ZNF138: variants seen among roughly 807,000 people sequenced by gnomAD.
ZNF138 encodes the protein zinc finger protein 138 (clone pHZ-32).
ZNF138 carries 33 observed loss-of-function variants against 33.0 expected under a neutral mutation model. The ratio of observed to expected loss-of-function variants is 1.00; its 90% CI spans 0.76 to 1.34. ZNF138 has a LOEUF of 1.34. ZNF138 is among the 40% of genes most tolerant of loss of function. ZNF138 has a pLI of 0.00. For synonymous variants in ZNF138, 139 were observed against 120.4 expected (o/e 1.15, Z -1.01); for missense variants, 360 against 370.8 (o/e 0.97, Z 0.24).
intron 1 of ZNF138, among the ~76,000 whole-genome samples, chr7:64,807,082 A>C (rs1366828218): frequency 6.6e-6 from 1 of 152,266 alleles, no homozygotes; most frequent in Non-Finnish European, 1.5e-5. Context: ...CTGTGACTTA[A>C]GGACATGCTC....
chr7:64,819,641 T>G (rs1355865506), intron 3 of ZNF138, among the ~76,000 whole-genome samples: 1 of 152,166 alleles, frequency 6.6e-6, no homozygotes, highest in Non-Finnish European at 1.5e-5. Context: ...AGTGCTAGGA[T>G]TACAAGCGGC....
At chr7:64,841,055 C>T in the ZNF138 span, among the ~76,000 whole-genome samples, 1 of 151,860 alleles carries the variant, frequency 6.6e-6, no homozygotes, top group Non-Finnish European at 1.5e-5. Context: ...CAGAATCTCC[C>T]CATGAAAAAT....
chr7:64,798,597 G>C (rs57189926), intron 1 of ZNF138, among the ~76,000 whole-genome samples: 1 of 152,062 alleles, frequency 6.6e-6, no homozygotes, highest in Non-Finnish European at 1.5e-5. Context: ...TTTGAGACCA[G>C]CCTGACCAAC....
chr7:64,839,686 A>G, the ZNF138 span, among the ~76,000 whole-genome samples: 1 of 152,122 alleles, frequency 6.6e-6, no homozygotes, highest in Non-Finnish European at 1.5e-5. Flanking sequence ...AACCGGACGA[A>G]ATGGACCGAT....
the ZNF138 span, among the ~76,000 whole-genome samples, chr7:64,843,821 TA>T: frequency 1.7e-5 from 2 of 117,944 alleles, no homozygotes; most frequent in Non-Finnish European, 3.8e-5. Flanking sequence ...GAGGTTAGTT[TA>T]TTTTTTTTAT....
At chr7:64,805,162 G>A (rs1787474148) in intron 1 of ZNF138, among the ~76,000 whole-genome samples, 1 of 152,102 alleles carries the variant, frequency 6.6e-6, no homozygotes, top group South Asian at 2.1e-4. Context: ...ACTTTGGGAG[G>A]CCGAGGTGGG....
At chr7:64,852,062 C>CATGTCA in the ZNF138 span, among the ~76,000 whole-genome samples, 1 of 152,142 alleles carries the variant, frequency 6.6e-6, no homozygotes, top group African/African-American at 2.4e-5. Context: ...GACATGACTA[C>CATGTCA]GATAATGTCT....
the ZNF138 span, chr7:64,853,353 A>T: frequency 6.5e-7 from 1 of 1,533,734 alleles, no homozygotes; most frequent in Middle Eastern, 2.3e-4. Context: ...CCATGTAGAT[A>T]TGGTTGTTGG....
At chr7:64,838,246 C>G (rs1057495039), downstream of ZNF138, among the ~76,000 whole-genome samples, 5 of 152,164 alleles carry the variant, frequency 3.3e-5, no homozygotes, top group African/African-American at 4.8e-5. Context: ...GCGGCCGCTC[C>G]GAGGCCGGGG....
intron 3 of ZNF138, among the ~76,000 whole-genome samples, chr7:64,817,419 A>G (rs557738252): frequency 6.8e-6 from 1 of 147,602 alleles, no homozygotes; most frequent in East Asian, 2.0e-4. Flanking sequence ...GCAGTTTGCC[A>G]CCTGAATGAG....
intron 3 of ZNF138, among the ~76,000 whole-genome samples, chr7:64,816,850 A>T (rs1009921957): frequency 2.6e-5 from 4 of 152,164 alleles, no homozygotes; most frequent in South Asian, 4.1e-4. Context: ...AGGTGATGGG[A>T]TGCCCTCTGG....
At position 64,814,773 on chromosome 7, in the gene ZNF138, A is replaced by G. The variant is rs1011011094; in HGVS notation, c.4-145A>G. On this transcript the variant is annotated intron_variant, in intron 1 of 3. Transcript: ENST00000307355. ...GTGAGACTCTGTCTCAAAAAAAAAA[A>G]ATTATTTTATGAATAATTTCAGTCA... The G allele has an allele frequency of 4.6e-6, 5 of 1,085,062 alleles. No homozygotes were observed. The African/African-American group carries it at 6.5e-5, about 14-fold the overall frequency. 67.2% of individuals were successfully genotyped at this position (1,085,062 alleles called of 1,614,324 possible).
intron 3 of ZNF138, chr7:64,830,887 T>A: frequency 6.7e-7 from 1 of 1,482,054 alleles, no homozygotes; most frequent in Non-Finnish European, 9.0e-7. Context: ...CATTCTTGTT[T>A]CATCTTAATA....
the ZNF138 span, among the ~76,000 whole-genome samples, chr7:64,841,258 A>AT: frequency 3.3e-5 from 5 of 151,982 alleles, no homozygotes; most frequent in Admixed American, 1.3e-4. Context: ...AGGACATTTG[A>AT]TTTTTTCTTT....
At chr7:64,826,176 AC>A (rs1789596780) in intron 3 of ZNF138, among the ~76,000 whole-genome samples, 1 of 152,094 alleles carries the variant, frequency 6.6e-6, no homozygotes, top group African/African-American at 2.4e-5. Flanking sequence ...GAAATTAGTT[AC>A]TAGTTTGTTA....
chr7:64,826,848 C>T (rs1202592644), intron 3 of ZNF138, among the ~76,000 whole-genome samples: 1 of 151,916 alleles, frequency 6.6e-6, no homozygotes, highest in Non-Finnish European at 1.5e-5. Context: ...CAAGGTTTTG[C>T]CATGTTGGCC....
the ZNF138 span, among the ~76,000 whole-genome samples, chr7:64,848,294 T>C: frequency 1.3e-5 from 2 of 152,156 alleles, no homozygotes; most frequent in African/African-American, 4.8e-5. Flanking sequence ...TTCTTAGGTT[T>C]GCTCACTTAA....
chr7:64,846,596 T>C, the ZNF138 span, among the ~76,000 whole-genome samples: 1 of 152,180 alleles, frequency 6.6e-6, no homozygotes, highest in Non-Finnish European at 1.5e-5. Flanking sequence ...GAGCTACTGA[T>C]TTGTGCACAT....
chr7:64,848,845 C>T, the ZNF138 span, among the ~76,000 whole-genome samples: 1 of 151,732 alleles, frequency 6.6e-6, no homozygotes, highest in Admixed American at 6.6e-5. Context: ...GCTGGGACTA[C>T]AGGTGCCTGC....
Sources: gnomAD v4.1 joint callset for allele counts (sites outside exome capture counted in the v4.1 genomes callset) on GRCh38, gnomAD v4.1.1 for gene constraint, MANE v1.5 for transcripts, NCBI Gene and HGNC (gene_info 2026-07-23, HGNC 2026-07-21) for gene names.